The following GLI3 variants were observed in gnomAD, a reference collection of about 807,000 sequenced individuals.
GLI3 encodes the protein transcription activator GLI3.
Under a neutral mutation model 100.8 loss-of-function variants are expected in GLI3, and 20 were observed. The ratio of observed to expected loss-of-function variants is 0.20; its 90% CI spans 0.14 to 0.29. GLI3 has a LOEUF of 0.29. Ranked by LOEUF, GLI3 falls within the 10% of genes least tolerant of loss-of-function variation. The pLI is 1.00. For missense variants in GLI3, 2,040 were observed against 2,128.5 expected, an observed-to-expected ratio of 0.96 and a Z score of 0.82; for synonymous variants, 938 against 860.5, an observed-to-expected ratio of 1.09 and a Z score of -1.58.
At chr7:41,975,106 G>C (rs1787476499) in intron 12 of GLI3, among the ~76,000 whole-genome samples, 2 of 152,150 alleles carry the variant, frequency 1.3e-5, no homozygotes, top group African/African-American at 4.8e-5. Flanking sequence ...GTATCTTTGG[G>C]GGAAAAATGA....
chr7:42,219,916 C>T (rs866321343), intron 2 of GLI3, among the ~76,000 whole-genome samples: 10 of 150,258 alleles, frequency 6.7e-5, no homozygotes, highest in Admixed American at 2.7e-4. Context: ...TGCAGTGGCA[C>T]GATCTTGGCT....
At chr7:42,248,710 A>T (rs1170140176) in intron 1 of GLI3, among the ~76,000 whole-genome samples, 1 of 152,070 alleles carries the variant, frequency 6.6e-6, no homozygotes, top group African/African-American at 2.4e-5. Flanking sequence ...ACATGTTAAT[A>T]TTTCTATTAT....
intron 11 of GLI3, chr7:41,977,959 C>T (rs955559881): frequency 8.9e-6 from 5 of 563,732 alleles, no homozygotes; most frequent in Admixed American, 6.0e-5. Context: ...TTTTAATAGA[C>T]CGCTCAATGT....
Position 41,964,370 on chromosome 7 carries a change from G to C in GLI3, c.4703C>G (p.Ser1568Cys). ...AAGGAATTTGCTTTCTTCCGCTAGG[G>C]AGGTCAGCAAAGAACTCATGTCCCC... is the stretch of plus-strand genomic sequence containing the variant. ...AIGDMSSLLT[S>C]LAEESKFLAV... The change falls in exon 15 of 15, where the codon TCC (serine) becomes TGC (cysteine). Residue 1568 changes from serine (S) to cysteine (C), a missense_variant. By Grantham distance (112) the Ser-to-Cys change is moderately radical. This residue lies in a region of GLI3 where 1,041 missense variants were observed against 924.0 expected (regional missense o/e 1.13). Coordinates refer to ENST00000395925, the MANE Select transcript of GLI3 (RefSeq NM_000168.6). The C allele has an allele frequency of 6.2e-7, 1 of 1,614,184 alleles. No individual in the cohort carries two copies. Among genetic ancestry groups the C allele is most frequent in the Non-Finnish European group, 8.5e-7 (1 of 1,179,998 alleles).
chr7:42,170,542 A>G (rs1469663375), intron 2 of GLI3, among the ~76,000 whole-genome samples: 1 of 151,138 alleles, frequency 6.6e-6, no homozygotes, highest in African/African-American at 2.4e-5. Flanking sequence ...AGCTGGGACT[A>G]CAGGTGCCTG....
intron 7 of GLI3, among the ~76,000 whole-genome samples, chr7:42,029,489 C>T (rs1328191350): frequency 2.6e-5 from 4 of 152,144 alleles, no homozygotes; most frequent in Admixed American, 2.6e-4. Flanking sequence ...TGGGCAAGAT[C>T]AAGGTATGAA....
intron 2 of GLI3, among the ~76,000 whole-genome samples, chr7:42,207,808 G>A (rs923964470): frequency 1.3e-5 from 2 of 152,126 alleles, no homozygotes; most frequent in South Asian, 2.1e-4. Context: ...GGCCAGCTTC[G>A]TGTTTTTCTT....
chr7:42,030,322 C>T (rs924965329), intron 7 of GLI3, among the ~76,000 whole-genome samples: 1 of 152,196 alleles, frequency 6.6e-6, no homozygotes. Flanking sequence ...TTAATCACAC[C>T]TGCAAAAGTC....
intron 1 of GLI3, among the ~76,000 whole-genome samples, chr7:42,249,646 C>G (rs1253984946): frequency 6.6e-6 from 1 of 152,162 alleles, no homozygotes; most frequent in Non-Finnish European, 1.5e-5. Context: ...ACCGACTGAG[C>G]TAACACTTAG....
rs547910992 is a variant in GLI3 at position 42,257,941 on chromosome 7, A to G, written c.-43+6053T>C. Among the ~76,000 whole-genome samples the G allele has an allele frequency of 2.0e-5, 3 of 152,104 alleles. No homozygotes were observed. The South Asian group carries it at 6.2e-4, about 32-fold the overall frequency. On this transcript the variant is annotated intron_variant, in intron 1 of 2. Coordinates refer to the GLI3 transcript ENST00000678978. ...TAGAATTCTTTTTGTATGTTGCTGG[A>G]TTTGGTTTGTTGAACTTTGTTAAAG... is the stretch of plus-strand genomic sequence containing the variant.
Position 42,209,986 on chromosome 7 carries a change from G to GAAAAAAAAA in GLI3, c.124+13135_124+13143dup, listed in dbSNP as rs749477443. Among the ~76,000 whole-genome samples, 12 of 33,270 alleles carry GAAAAAAAAA rather than the reference G, an allele frequency of 3.6e-4. 1 individual carries two copies. Among genetic ancestry groups the GAAAAAAAAA allele is most frequent in the Admixed American group, 5.9e-4 (1 of 1,694 alleles). 21.8% of individuals were successfully genotyped at this position (33,270 alleles called of 152,430 possible). Reference sequence around the variant, plus strand: ...GGGTCATACATCTCTTTAAGAATCTGAAAAAAAAAAAAAAAAAAAAAAAAA... The same window carrying GAAAAAAAAA: ...GGGTCATACATCTCTTTAAGAATCTGAAAAAAAAAAAAAAAAAAAAAAAAAAAAAAAAAA... On this transcript the variant is annotated intron_variant, in intron 2 of 14. Coordinates refer to ENST00000395925, the MANE Select transcript of GLI3 (RefSeq NM_000168.6).
At chr7:42,224,700 G>A (rs993266164) in intron 1 of GLI3, among the ~76,000 whole-genome samples, 2 of 152,224 alleles carry the variant, frequency 1.3e-5, no homozygotes, top group Non-Finnish European at 2.9e-5. Context: ...CACTGACAAA[G>A]TATTATACAA....
rs754242984 is a variant in GLI3 at position 42,045,426 on chromosome 7, C to T, written c.784G>A (p.Gly262Ser). Residue 262 changes from glycine to serine, a missense_variant, in exon 6 of 15, where the codon GGC becomes AGC. Coordinates refer to ENST00000395925, the MANE Select transcript of GLI3 (RefSeq NM_000168.6). Reference protein sequence around the residue: ...ADIIPSAATAGTGAIHMEYLH... With the variant: ...ADIIPSAATASTGAIHMEYLH... Reference sequence around the variant, plus strand: ...TATTCCATGTGGATGGCCCCCGTGCCGGCGGTGGCAGCTGAGGGAATAATG... The same window carrying T: ...TATTCCATGTGGATGGCCCCCGTGCTGGCGGTGGCAGCTGAGGGAATAATG... 16 of 1,613,702 alleles carry T rather than the reference C, an allele frequency of 9.9e-6. No homozygotes were observed. Among genetic ancestry groups the T allele is most frequent in the South Asian group, 3.3e-5 (3 of 91,080 alleles).
At position 42,213,933 on chromosome 7, in the gene GLI3, C is replaced by T. The variant is rs546725988; in HGVS notation, c.124+9197G>A. ...CCGGGCAGGGCTGTCCCCAGAAACC[C>T]TTAAACATGGGTACAAATGCAAACA... On this transcript the variant is annotated intron_variant, in intron 2 of 14. Transcript: ENST00000395925. Among the ~76,000 whole-genome samples, 11 of 152,350 alleles carry T rather than the reference C, an allele frequency of 7.2e-5. No homozygotes were observed. In the South Asian group the frequency reaches 2.1e-3, roughly 29 times the overall value.
intron 10 of GLI3, among the ~76,000 whole-genome samples, chr7:42,004,920 A>AT (rs1788408139): frequency 6.6e-6 from 1 of 152,226 alleles, no homozygotes; most frequent in South Asian, 2.1e-4. Context: ...TTGGTTTTAA[A>AT]AATTATATCT....
chr7:41,996,339 C>T lies in GLI3; in HGVS notation c.1498-17591G>A, dbSNP rs570579460. 5.9e-5 allele frequency among the ~76,000 whole-genome samples: 9 copies of T among 152,198 alleles called. No homozygotes were observed. The East Asian group carries it at 1.4e-3, about 23-fold the overall frequency. ...AGAGAAAAGGCCTCTCTCAGAGCCA[C>T]GGCCAATCCACTTTCCCAGTGGTCT... On this transcript the variant is annotated intron_variant, in intron 10 of 14. Transcript: ENST00000395925.
chr7:42,029,742 C>G (rs1227708725), intron 7 of GLI3, among the ~76,000 whole-genome samples: 1 of 152,162 alleles, frequency 6.6e-6, no homozygotes. Flanking sequence ...TTAAATGTCA[C>G]CTCCTCAGAG....
At chr7:42,048,430 C>G (rs887440888) in intron 5 of GLI3, 61 bp downstream of exon 5, 2 of 1,117,778 alleles carry the variant, frequency 1.8e-6, no homozygotes, top group Admixed American at 3.4e-5. Context: ...ATACACGTCC[C>G]GAGTGAGGAG....
At chr7:42,252,764 C>T (rs1254199595) in intron 1 of GLI3, among the ~76,000 whole-genome samples, 1 of 152,124 alleles carries the variant, frequency 6.6e-6, no homozygotes, top group Non-Finnish European at 1.5e-5. Context: ...GAGCTTGCTT[C>T]CACAAACATA....
Sources: allele counts gnomAD v4.1 joint callset (sites outside exome capture counted in the v4.1 genomes callset), GRCh38; gene constraint gnomAD v4.1.1; regional missense constraint gnomAD v4.1.1; transcripts MANE v1.5; gene names NCBI Gene and HGNC (gene_info 2026-07-23, HGNC 2026-07-21).